Variants in DNAI7 observed in about 807,000 individuals in gnomAD.
DNAI7 encodes the protein dynein axonemal intermediate chain 7, also known as cancer susceptibility 1.
In DNAI7, 78 loss-of-function variants were observed where a neutral mutation model predicts 86.6. The ratio of observed to expected loss-of-function variants is 0.90; its 90% CI spans 0.75 to 1.09. The LOEUF (loss-of-function observed/expected upper bound fraction) is 1.09. DNAI7 is among the 50% of genes least tolerant of loss of function. DNAI7 has a pLI of 0.00. For synonymous variants in DNAI7, 274 were observed against 273.0 expected, an observed-to-expected ratio of 1.00 and a Z score of -0.04; for missense variants, 753 against 810.2, an observed-to-expected ratio of 0.93 and a Z score of 0.86.
intron 2 of DNAI7, among the ~76,000 whole-genome samples, chr12:25,181,141 G>A (rs1949465988): frequency 1.3e-5 from 2 of 151,942 alleles, no homozygotes; most frequent in Admixed American, 1.3e-4. Context: ...GTCTCGCTTT[G>A]TCATTCAGGA....
chr12:25,176,906 T>A (rs999354954), intron 2 of DNAI7, among the ~76,000 whole-genome samples: 2 of 146,728 alleles, frequency 1.4e-5, no homozygotes, highest in African/African-American at 5.1e-5. Flanking sequence ...ATTTTCTTTT[T>A]TTTTTTTTTT....
chr12:25,177,129 C>T (rs1949047571), intron 2 of DNAI7, among the ~76,000 whole-genome samples: 1 of 152,086 alleles, frequency 6.6e-6, no homozygotes, highest in African/African-American at 2.4e-5. Flanking sequence ...TATTGAACTC[C>T]TGACCTCAAG....
intron 13 of DNAI7, among the ~76,000 whole-genome samples, chr12:25,113,279 C>T (rs919918427): frequency 1.2e-3 from 180 of 150,676 alleles, no homozygotes; most frequent in Middle Eastern, 3.4e-3. Context: ...GTTGTTGTTG[C>T]TGTTGTTGTT....
chr12:25,112,681 C>A (rs1255365438), intron 13 of DNAI7, among the ~76,000 whole-genome samples: 3 of 149,436 alleles, frequency 2.0e-5, no homozygotes, highest in Non-Finnish European at 4.5e-5. Flanking sequence ...GCTGGGATTA[C>A]AGGCGTGAGC....
At position 25,111,872 on chromosome 12, in the gene DNAI7, G is replaced by A. The variant is rs1938899525; in HGVS notation, c.1679C>T (p.Thr560Ile). 5 of 1,606,558 alleles carry A rather than the reference G, an allele frequency of 3.1e-6. No homozygotes were observed. In the African/African-American group the frequency reaches 5.4e-5, roughly 17 times the overall value. The change falls in exon 14 of 16, where the codon ACC (threonine) becomes ATC (isoleucine). Residue 560 changes from threonine to isoleucine, a missense_variant. Coordinates refer to ENST00000395987, the MANE Select transcript of DNAI7 (RefSeq NM_018272.5). ...AATGAAAGGAATAGGAGTCATCCAG[G>A]TTCCTTCCAAAATAGAGATGTGTTT... ...DKKHISILEG[T>I]WMTPIPFIIA... is the part of the protein sequence containing the mutation.
chr12:25,168,440 C>T (rs1364264223), intron 2 of DNAI7, among the ~76,000 whole-genome samples: 1 of 152,164 alleles, frequency 6.6e-6, no homozygotes, highest in Non-Finnish European at 1.5e-5. Flanking sequence ...ATTGGAATAG[C>T]AGGCATTTCA....
At chr12:25,145,095 G>C (rs189389178) in intron 8 of DNAI7, among the ~76,000 whole-genome samples, 1 of 152,140 alleles carries the variant, frequency 6.6e-6, no homozygotes, top group East Asian at 1.9e-4. Flanking sequence ...CTAGGTTTGG[G>C]TAGGAGTATG....
At chr12:25,143,724 G>C (rs1335031844) in intron 9 of DNAI7, among the ~76,000 whole-genome samples, 1 of 152,080 alleles carries the variant, frequency 6.6e-6, no homozygotes, top group Non-Finnish European at 1.5e-5. Context: ...GAGATATTTT[G>C]GTCCCTCATA....
chr12:25,134,711 A>T (rs915932551), intron 9 of DNAI7, among the ~76,000 whole-genome samples: 2 of 152,092 alleles, frequency 1.3e-5, no homozygotes, highest in African/African-American at 4.8e-5. Context: ...ATCTTTATTC[A>T]TCATTATAAC....
chr12:25,144,151 C>T (rs1288157058), intron 9 of DNAI7, among the ~76,000 whole-genome samples: 1 of 152,100 alleles, frequency 6.6e-6, no homozygotes, highest in Non-Finnish European at 1.5e-5. Flanking sequence ...AATTCCTGTG[C>T]TGAACTTTAG....
chr12:25,118,834 G>A (rs1356639919), intron 12 of DNAI7, among the ~76,000 whole-genome samples: 2 of 152,204 alleles, frequency 1.3e-5, no homozygotes, highest in Admixed American at 6.5e-5. Flanking sequence ...CCAAAGTGCT[G>A]GGATTTACAG....
chr12:25,108,096 A>G, downstream of DNAI7: 1 of 1,597,632 alleles, frequency 6.3e-7, no homozygotes, highest in South Asian at 1.1e-5. Context: ...CTTGATTTTT[A>G]AGTTTCAGTA....
downstream of DNAI7, chr12:25,107,099 G>A (rs1291489037): frequency 2.0e-6 from 2 of 1,004,918 alleles, no homozygotes; most frequent in Non-Finnish European, 3.1e-6. Context: ...AATGGGAAAG[G>A]GTGAGGCAGG....
intron 9 of DNAI7, among the ~76,000 whole-genome samples, chr12:25,133,893 G>A (rs1007407067): frequency 1.2e-4 from 18 of 152,150 alleles, no homozygotes; most frequent in African/African-American, 4.3e-4. Context: ...CACAGACTTT[G>A]GACAAGTTTT....
At position 25,161,208 on chromosome 12, in the gene DNAI7, G is replaced by C. The variant is rs372677577; in HGVS notation, c.22-11C>G. ...TTTCTTACTGCCAGACTTAACAAAG[G>C]CCACATCATAAAAAAGGCTATTAAC... On this transcript the variant is annotated splice_polypyrimidine_tract_variant and intron_variant, in intron 2 of 15. Coordinates refer to ENST00000395987, the MANE Select transcript of DNAI7 (RefSeq NM_018272.5). 1.9e-6 allele frequency: 3 copies of C among 1,610,138 alleles called. No homozygotes were observed. Among genetic ancestry groups the C allele is most frequent in the African/African-American group, 2.7e-5 (2 of 74,750 alleles).
intron 9 of DNAI7, among the ~76,000 whole-genome samples, chr12:25,130,858 G>T (rs879593711): frequency 2.6e-5 from 4 of 152,006 alleles, no homozygotes; most frequent in Admixed American, 2.6e-4. Flanking sequence ...ACATTTAAAT[G>T]AACTAAAATG....
rs570447727 is a variant in DNAI7 at position 25,153,021 on chromosome 12, T to G, written c.438+1298A>C. 3.3e-5 allele frequency among the ~76,000 whole-genome samples: 5 copies of G among 152,336 alleles called. No individual in the cohort carries two copies. The East Asian group carries it at 9.6e-4, about 29-fold the overall frequency. On this transcript the variant is annotated intron_variant, in intron 6 of 15. Coordinates refer to ENST00000395987, the MANE Select transcript of DNAI7 (RefSeq NM_018272.5). The stretch of plus-strand genomic sequence containing the variant: ...TCTTCTGTATCCCTTCTTTTCTTTT[T>G]TAGCCCTTGTTACTCTATAATACAT...
At chr12:25,174,592 GGATATATATAT>G (rs1948706858) in intron 2 of DNAI7, among the ~76,000 whole-genome samples, 1 of 76,868 alleles carries the variant, frequency 1.3e-5, no homozygotes, top group Non-Finnish European at 2.5e-5. Flanking sequence ...CATATATATG[GGATATATATAT>G]GATATATATA....
chr12:25,151,952 T>C (rs1214348198), intron 6 of DNAI7, among the ~76,000 whole-genome samples: 1 of 152,176 alleles, frequency 6.6e-6, no homozygotes, highest in Non-Finnish European at 1.5e-5. Context: ...ACAGGAAGCA[T>C]AAAACTGTGA....
Sources: allele counts gnomAD v4.1 joint callset (sites outside exome capture counted in the v4.1 genomes callset), GRCh38; gene constraint gnomAD v4.1.1; transcripts MANE v1.5; gene names NCBI Gene and HGNC (gene_info 2026-07-23, HGNC 2026-07-21).